PPP2R3A: variants seen among roughly 807,000 people sequenced by gnomAD.
PPP2R3A encodes the protein serine/threonine-protein phosphatase 2A regulatory subunit B'' subunit alpha.
A neutral mutation model predicts 106.9 loss-of-function variants in PPP2R3A; 80 were observed. The ratio of observed to expected loss-of-function variants is 0.75; its 90% CI spans 0.62 to 0.90. The LOEUF is 0.90. Ranked by LOEUF, PPP2R3A falls within the 40% of genes least tolerant of loss-of-function variation. The probability of loss-of-function intolerance (pLI) is 0.00; values close to 1 mark genes in which losing one functional copy is unlikely to be tolerated. For missense variants in PPP2R3A, 1,386 were observed against 1,350.4 expected (o/e 1.03, Z -0.41); for synonymous variants, 483 against 468.3 (o/e 1.03, Z -0.41).
chr3:135,969,025 T>G (rs1021783748), intron 1 of PPP2R3A, among the ~76,000 whole-genome samples: 8 of 152,132 alleles, frequency 5.3e-5, no homozygotes, highest in Non-Finnish European at 1.2e-4. Flanking sequence ...GTTTCATATG[T>G]GAATAAATAT....
At position 136,102,056 on chromosome 3, in the gene PPP2R3A, T is replaced by A; in HGVS notation, c.2977T>A (p.Ser993Thr). 1 of 1,614,108 alleles carries A rather than the reference T, an allele frequency of 6.2e-7. No homozygotes were observed. Among genetic ancestry groups the A allele is most frequent in the Non-Finnish European group, 8.5e-7 (1 of 1,179,994 alleles). ...GGATGTGGATGGAGACGGTGTACTC[T>A]CCATGTATGAGCTGGAGTACTTCTA... ...CMDVDGDGVLSMYELEYFYEE... is the reference protein window; with the variant it reads ...CMDVDGDGVLTMYELEYFYEE... Residue 993 changes from serine to threonine, a missense_variant, in exon 11 of 14, where the codon TCC becomes ACC. Ser to Thr is a moderately conservative substitution (Grantham distance 58, BLOSUM62 1). Transcript: ENST00000264977.
chr3:136,127,139 C>T (rs184617112), intron 13 of PPP2R3A, among the ~76,000 whole-genome samples: 4 of 152,228 alleles, frequency 2.6e-5, no homozygotes, highest in South Asian at 2.1e-4. Flanking sequence ...TCGCCAGCAA[C>T]GGAACAAAGC....
intron 5 of PPP2R3A, among the ~76,000 whole-genome samples, 188 bp downstream of exon 5, chr3:136,049,549 C>T (rs912781565): frequency 6.8e-6 from 1 of 147,994 alleles, no homozygotes; most frequent in Admixed American, 6.6e-5. Flanking sequence ...AATGAAATCT[C>T]GTTAAATGAA....
intron 1 of PPP2R3A, among the ~76,000 whole-genome samples, chr3:135,987,138 T>C (rs960039665): frequency 6.6e-6 from 1 of 152,160 alleles, no homozygotes; most frequent in Non-Finnish European, 1.5e-5. Flanking sequence ...GCTTCTGAGA[T>C]ACTTGTCAAG....
At chr3:135,996,920 C>T (rs1257618595) in intron 1 of PPP2R3A, among the ~76,000 whole-genome samples, 1 of 152,076 alleles carries the variant, frequency 6.6e-6, no homozygotes, top group Non-Finnish European at 1.5e-5. Context: ...AAAAAAATTC[C>T]TTGTATTTTT....
intron 7 of PPP2R3A, among the ~76,000 whole-genome samples, chr3:136,081,503 CTT>C (rs1406656418): frequency 6.6e-6 from 1 of 151,972 alleles, no homozygotes; most frequent in Non-Finnish European, 1.5e-5. Context: ...TATCACTTAT[CTT>C]TATTGTGACT....
intron 10 of PPP2R3A, 26 bp from the exon 11 acceptor site, chr3:136,101,981 T>A: frequency 6.3e-7 from 1 of 1,599,212 alleles, no homozygotes; most frequent in South Asian, 1.1e-5. Context: ...ACCAGGCCCA[T>A]GATAATGATT....
chr3:136,101,737 T>C (rs937566129), intron 10 of PPP2R3A, among the ~76,000 whole-genome samples: 1 of 152,024 alleles, frequency 6.6e-6, no homozygotes, highest in Non-Finnish European at 1.5e-5. Flanking sequence ...CTAATAATAG[T>C]TCTGAAAATA....
chr3:136,140,453 A>AAAAAAAAAC (rs1553761401), intron 13 of PPP2R3A, among the ~76,000 whole-genome samples: 2,325 of 149,810 alleles, frequency 0.016, 90 homozygotes, highest in African/African-American at 0.056. Flanking sequence ...AAAAAAAAAA[A>AAAAAAAAAC]AAAAAAAAAA....
At chr3:135,977,321 A>G (rs1202014415) in intron 1 of PPP2R3A, among the ~76,000 whole-genome samples, 2 of 152,242 alleles carry the variant, frequency 1.3e-5, no homozygotes, top group Admixed American at 6.5e-5. Flanking sequence ...GAATCAATTT[A>G]TATCATTGAC....
chr3:136,027,440 C>T (rs1934710530), intron 3 of PPP2R3A, among the ~76,000 whole-genome samples: 1 of 152,102 alleles, frequency 6.6e-6, no homozygotes, highest in African/African-American at 2.4e-5. Context: ...TTTTTAGTCT[C>T]ACCCATTGAT....
At position 136,084,740 on chromosome 3, in the gene PPP2R3A, T is replaced by G. The variant is rs568982950; in HGVS notation, c.2788+2319T>G. On this transcript the variant is annotated intron_variant, in intron 8 of 13. Transcript: ENST00000264977. ...AGGCCATGGGAACCTGCCTCTTGCA[T>G]CAGTGTGCCATGGATATGAGACAGA... Among the ~76,000 whole-genome samples the G allele has an allele frequency of 6.6e-4, 100 of 152,358 alleles. 2 individuals carry two copies. In the South Asian group the frequency reaches 0.02, roughly 31 times the overall value.
chr3:136,066,909 GA>G (rs1049950237), intron 5 of PPP2R3A, among the ~76,000 whole-genome samples: 1 of 151,684 alleles, frequency 6.6e-6, no homozygotes, highest in African/African-American at 2.4e-5. Context: ...TATATCTAAG[GA>G]AAAAAAATTT....
intron 3 of PPP2R3A, among the ~76,000 whole-genome samples, chr3:136,035,999 C>A (rs1048075719): frequency 5.3e-5 from 8 of 151,704 alleles, no homozygotes; most frequent in African/African-American, 1.9e-4. Flanking sequence ...CTTTCTTCTG[C>A]TTGTTCAGTT....
intron 9 of PPP2R3A, among the ~76,000 whole-genome samples, chr3:136,090,190 G>T (rs1226303865): frequency 6.6e-6 from 1 of 152,114 alleles, no homozygotes; most frequent in Non-Finnish European, 1.5e-5. Flanking sequence ...TTCTTAAGGG[G>T]ATTGCTTCTA....
chr3:136,109,506 A>T (rs542109340), intron 13 of PPP2R3A, among the ~76,000 whole-genome samples: 1 of 152,294 alleles, frequency 6.6e-6, no homozygotes, highest in South Asian at 2.1e-4. Context: ...TAAAGCAAAA[A>T]CAAAAAAGGA....
At chr3:135,995,761 C>T (rs1156795852) in intron 1 of PPP2R3A, among the ~76,000 whole-genome samples, 1 of 152,122 alleles carries the variant, frequency 6.6e-6, no homozygotes, top group Non-Finnish European at 1.5e-5. Flanking sequence ...GCATGAGCCA[C>T]CACACCTGGC....
chr3:135,976,198 A>G (rs1420850129), intron 1 of PPP2R3A, among the ~76,000 whole-genome samples: 1 of 136,808 alleles, frequency 7.3e-6, no homozygotes, highest in East Asian at 1.9e-4. Context: ...AGCTAAGTAT[A>G]ACTGTAAGTT....
At chr3:136,106,109 T>C in intron 12 of PPP2R3A, 107 bp from the exon 13 acceptor site, 2 of 925,400 alleles carry the variant, frequency 2.2e-6, no homozygotes, top group Non-Finnish European at 3.3e-6. Context: ...AAATGAAACA[T>C]TTTTCAGGTA....
Sources: gnomAD v4.1 joint callset for allele counts (sites outside exome capture counted in the v4.1 genomes callset) on GRCh38, gnomAD v4.1.1 for gene constraint, MANE v1.5 for transcripts, NCBI Gene and HGNC (gene_info 2026-07-23, HGNC 2026-07-21) for gene names.